The following NALCN variants were observed in gnomAD, a reference collection of about 807,000 sequenced individuals.
NALCN encodes the protein sodium leak channel NALCN.
A neutral mutation model predicts 225.3 loss-of-function variants in NALCN; 111 were observed. The observed-to-expected ratio is 0.49, with a 90% CI of 0.42 to 0.58. The LOEUF (loss-of-function observed/expected upper bound fraction) is 0.58. Ranked by LOEUF, NALCN falls within the 20% of genes least tolerant of loss-of-function variation. NALCN has a pLI of 0.00. For missense variants in NALCN, 1,378 were observed against 2,202.4 expected, an observed-to-expected ratio of 0.63 and a Z score of 7.49; for synonymous variants, 764 against 769.0, an observed-to-expected ratio of 0.99 and a Z score of 0.11.
chr13:101,109,461 G>C (rs902868950), intron 20 of NALCN, among the ~76,000 whole-genome samples: 11 of 152,170 alleles, frequency 7.2e-5, no homozygotes, highest in Non-Finnish European at 1.3e-4. Flanking sequence ...CAGAATGAAA[G>C]CAGATGTAGT....
At chr13:101,078,218 GA>G (rs1243325469) in intron 34 of NALCN, among the ~76,000 whole-genome samples, 1,165 of 13,586 alleles carry the variant, frequency 0.086, 12 homozygotes, top group African/African-American at 0.34. Flanking sequence ...TGTGTGGTTG[GA>G]GTCCACACAC....
intron 18 of NALCN, among the ~76,000 whole-genome samples, chr13:101,120,631 T>C (rs2035930793): frequency 6.6e-6 from 1 of 152,160 alleles, no homozygotes; most frequent in African/African-American, 2.4e-5. Flanking sequence ...ATTTCATGTG[T>C]GAAGAGGACA....
At chr13:101,149,914 T>TG (rs1489964457) in intron 15 of NALCN, among the ~76,000 whole-genome samples, 2 of 152,238 alleles carry the variant, frequency 1.3e-5, no homozygotes, top group African/African-American at 4.8e-5. Context: ...CCTAGGTGCG[T>TG]GCCTGCAAGA....
intron 18 of NALCN, among the ~76,000 whole-genome samples, chr13:101,118,093 TGTGTCA>T (rs1210634603): frequency 1.3e-5 from 2 of 152,164 alleles, no homozygotes; most frequent in African/African-American, 4.8e-5. Context: ...GTGATAGTGA[TGTGTCA>T]GTGTAGGTTC....
Position 101,104,313 on chromosome 13 carries a change from C to T in NALCN, c.2871G>A (p.Met957Ile), listed in dbSNP as rs762903253. ...TAVIRDFGGV[M>I]DIFIYLVSLI... Reference sequence around the variant, plus strand: ...GACTTACAAGATATATAAATATGTCCATTACTCCACCGAAGTCCCTGATGA... The same window carrying T: ...GACTTACAAGATATATAAATATGTCTATTACTCCACCGAAGTCCCTGATGA... Residue 957 changes from methionine (M) to isoleucine (I), a missense_variant, in exon 25 of 44, where the codon ATG becomes ATA. By Grantham distance (10) the Met-to-Ile change is conservative. Coordinates refer to ENST00000251127, the MANE Select transcript of NALCN (RefSeq NM_052867.4). This position sits in a 1 kb window ranked among gnomAD's most constrained non-coding sequence, Gnocchi z 4.2. 6.2e-7 allele frequency: 1 copy of T among 1,610,388 alleles called. No individual in the cohort carries two copies. The highest frequency in any genetic ancestry group is 1.7e-5 in the Admixed American group (1 of 59,226).
chr13:101,114,565 C>G (rs2035611544), intron 18 of NALCN, among the ~76,000 whole-genome samples: 1 of 152,050 alleles, frequency 6.6e-6, no homozygotes, highest in South Asian at 2.1e-4. Flanking sequence ...CCGGATGGAA[C>G]TGAGGCCTTC....
chr13:101,124,744 C>A, intron 17 of NALCN, 63 bp from the exon 18 acceptor site: 2 of 1,263,892 alleles, frequency 1.6e-6, no homozygotes, highest in South Asian at 2.5e-5. Flanking sequence ...ACTGTCAAAT[C>A]ATTCAATAGA....
At chr13:101,393,798 C>A (rs559100653) in intron 3 of NALCN, among the ~76,000 whole-genome samples, 2 of 152,172 alleles carry the variant, frequency 1.3e-5, no homozygotes, top group South Asian at 2.1e-4. Context: ...CAAAAGTGAA[C>A]CTCCCTCCCA....
intron 11 of NALCN, among the ~76,000 whole-genome samples, chr13:101,239,537 T>C (rs754175349): frequency 1.3e-5 from 2 of 152,070 alleles, no homozygotes; most frequent in Non-Finnish European, 2.9e-5. Context: ...TTAAGGGATA[T>C]AGGTCCTATG....
intron 1 of NALCN, among the ~76,000 whole-genome samples, chr13:101,411,010 T>C (rs2139556957): frequency 6.6e-6 from 1 of 152,324 alleles, no homozygotes; most frequent in Middle Eastern, 3.4e-3. Flanking sequence ...ATCCAATTTC[T>C]CCAGTGCATT....
chr13:101,388,998 G>T (rs900107514), intron 3 of NALCN, among the ~76,000 whole-genome samples: 3 of 152,186 alleles, frequency 2.0e-5, no homozygotes, highest in African/African-American at 7.2e-5. Context: ...CAACGTCCAG[G>T]GGAGTACTGT....
At chr13:101,150,032 G>A (rs998586285) in intron 15 of NALCN, among the ~76,000 whole-genome samples, 51 of 152,298 alleles carry the variant, frequency 3.3e-4, no homozygotes, top group African/African-American at 1.2e-3. Context: ...AGTTGAGTGG[G>A]AAAATACATT....
intron 13 of NALCN, among the ~76,000 whole-genome samples, chr13:101,221,167 T>G (rs1232615979): frequency 6.6e-6 from 1 of 151,588 alleles, no homozygotes; most frequent in Non-Finnish European, 1.5e-5. Context: ...TTTTTTTTTC[T>G]TATAGTACAT....
chr13:101,322,433 A>T (rs1001917308), intron 7 of NALCN, among the ~76,000 whole-genome samples: 1 of 152,244 alleles, frequency 6.6e-6, no homozygotes, highest in African/African-American at 2.4e-5. Context: ...TTTAAAGTAT[A>T]TGTTTTTATA....
chr13:101,269,233 TA>T (rs1566509157), intron 10 of NALCN, among the ~76,000 whole-genome samples: 2 of 150,360 alleles, frequency 1.3e-5, no homozygotes, highest in African/African-American at 4.9e-5. Context: ...TATATATATA[TA>T]TATATATTTT....
At chr13:101,174,403 A>G (rs1431352337) in intron 15 of NALCN, among the ~76,000 whole-genome samples, 2 of 152,194 alleles carry the variant, frequency 1.3e-5, no homozygotes, top group African/African-American at 2.4e-5. Flanking sequence ...TTTATAAATA[A>G]TGACATTTAC....
intron 35 of NALCN, among the ~76,000 whole-genome samples, chr13:101,075,145 T>C (rs1217968884): frequency 6.6e-6 from 1 of 152,156 alleles, no homozygotes; most frequent in Non-Finnish European, 1.5e-5. Flanking sequence ...ATATGGAATG[T>C]ATATATGAAA....
In NALCN at chr13:101,107,184, C is replaced by T. The variant is rs9513853; in HGVS notation, c.2579+303G>A. On this transcript the variant is annotated intron_variant, in intron 22 of 43. Transcript: ENST00000251127. ...CCTTTAGTCTCCTTTTGTCTCAGTA[C>T]TTCCAAAATAAAATATGGAGTTAAT... Among the ~76,000 whole-genome samples the T allele has an allele frequency of 0.33, 50,704 of 152,136 alleles. 9,604 individuals are homozygous for T. Among genetic ancestry groups the T allele is most frequent in the East Asian group, 0.73 (3,766 of 5,176 alleles).
chr13:101,055,231 A>G lies in NALCN; in HGVS notation c.*64T>C. 7.9e-7 allele frequency: 1 copy of G among 1,268,224 alleles called. No individual in the cohort carries two copies. The highest frequency in any genetic ancestry group is 1.4e-5 in the South Asian group (1 of 73,130). 78.6% of individuals were successfully genotyped at this position (1,268,224 alleles called of 1,614,324 possible). A position where few individuals can be genotyped will look rare whatever the true frequency, so the allele number is the denominator to read the frequency against. Reference sequence around the variant, plus strand: ...AGATCAATTACAGATTGCTCACTGGACAATCAAGGACATTATTAGAAAACG... The same window carrying G: ...AGATCAATTACAGATTGCTCACTGGGCAATCAAGGACATTATTAGAAAACG... On this transcript the variant is annotated 3_prime_UTR_variant, in exon 44 of 44. Transcript: ENST00000251127.
Sources: gnomAD v4.1 joint callset for allele counts (sites outside exome capture counted in the v4.1 genomes callset) on GRCh38, gnomAD v4.1.1 for gene constraint, Gnocchi (gnomAD v3.1) non-coding constraint, MANE v1.5 for transcripts, NCBI Gene and HGNC (gene_info 2026-07-23, HGNC 2026-07-21) for gene names.